Variants in CABLES1 observed in about 807,000 individuals in gnomAD.
CABLES1 encodes CDK5 and ABL1 enzyme substrate 1.
Under a neutral mutation model 57.8 loss-of-function variants are expected in CABLES1, and 36 were observed. The observed-to-expected ratio is 0.62, with a 90% CI of 0.48 to 0.82. CABLES1 has a LOEUF of 0.82. Ranked by LOEUF, CABLES1 falls within the 40% of genes least tolerant of loss-of-function variation. The pLI is 0.00. For missense variants in CABLES1, 767 were observed against 836.6 expected (o/e 0.92, Z 1.03); for synonymous variants, 374 against 363.0 (o/e 1.03, Z -0.35).
At chr18:23,164,754 A>G (rs1224685923) in intron 1 of CABLES1, among the ~76,000 whole-genome samples, 1 of 151,978 alleles carries the variant, frequency 6.6e-6, no homozygotes, top group African/African-American at 2.4e-5. Context: ...AAACATATAA[A>G]AATTTATCTC....
intron 7 of CABLES1, among the ~76,000 whole-genome samples, chr18:23,239,518 G>C (rs575232493): frequency 5.3e-5 from 8 of 152,348 alleles, no homozygotes; most frequent in African/African-American, 1.9e-4. Context: ...CCTAGAAGCC[G>C]ACATGGGTTA....
At chr18:23,213,693 C>A (rs986287378) in intron 3 of CABLES1, among the ~76,000 whole-genome samples, 27 of 152,334 alleles carry the variant, frequency 1.8e-4, no homozygotes, top group Middle Eastern at 3.4e-3. Flanking sequence ...CATGTGCAGC[C>A]CACAGCAAGC....
chr18:23,175,058 C>T (rs2047113637), intron 1 of CABLES1, among the ~76,000 whole-genome samples: 1 of 151,876 alleles, frequency 6.6e-6, no homozygotes, highest in Non-Finnish European at 1.5e-5. Context: ...ATGGTTACCA[C>T]AGGCACCCAC....
intron 5 of CABLES1, among the ~76,000 whole-genome samples, chr18:23,235,079 G>A (rs2047593620): frequency 6.6e-6 from 1 of 152,172 alleles, no homozygotes; most frequent in Non-Finnish European, 1.5e-5. Context: ...ATGGTCCTGG[G>A]AAGCTAAGAG....
At chr18:23,172,915 C>G (rs1946120586) in intron 1 of CABLES1, among the ~76,000 whole-genome samples, 1 of 152,186 alleles carries the variant, frequency 6.6e-6, no homozygotes, top group African/African-American at 2.4e-5. Flanking sequence ...TATTGTCTTC[C>G]CGTTTGGATA....
At chr18:23,255,331 CT>C (rs33940938) in intron 9 of CABLES1, among the ~76,000 whole-genome samples, 100,196 of 151,982 alleles carry the variant, frequency 0.66, 33,636 homozygotes, top group African/African-American at 0.77. Flanking sequence ...ATATGTCTCA[CT>C]TGTCTAGCTG....
At chr18:23,206,366 A>G (rs1029220486) in intron 3 of CABLES1, among the ~76,000 whole-genome samples, 4 of 152,248 alleles carry the variant, frequency 2.6e-5, no homozygotes, top group Non-Finnish European at 5.9e-5. Context: ...ACGCTGAATT[A>G]TTCACAGTAA....
rs547991604 is a variant in CABLES1 at position 23,259,332 on chromosome 18, G to C, written c.*1965G>C. 2.0e-5 allele frequency: 3 copies of C among 152,334 alleles called. No homozygotes were observed. Among genetic ancestry groups the C allele is most frequent in the Admixed American group, 6.5e-5 (1 of 15,282 alleles). 9.4% of individuals were successfully genotyped at this position (152,334 alleles called of 1,614,324 possible). On this transcript the variant is annotated 3_prime_UTR_variant, in exon 10 of 10. Coordinates refer to ENST00000256925, the MANE Select transcript of CABLES1 (RefSeq NM_001100619.3). ...CCTGCCAAGCTCTGGGGAGTGGGGT[G>C]GGGGGAGGGACGTCCGATGGATGAC...
intron 1 of CABLES1, among the ~76,000 whole-genome samples, chr18:23,137,057 G>T (rs1027396389): frequency 6.6e-6 from 1 of 152,242 alleles, no homozygotes; most frequent in African/African-American, 2.4e-5. Flanking sequence ...GCAGACACGC[G>T]TGACCCTCCG....
At chr18:23,137,375 GTAT>G in intron 1 of CABLES1, among the ~76,000 whole-genome samples, 1 of 152,334 alleles carries the variant, frequency 6.6e-6, no homozygotes, top group Middle Eastern at 3.4e-3. Context: ...TTGTCACCAT[GTAT>G]TATTCTAAGG....
intron 1 of CABLES1, among the ~76,000 whole-genome samples, chr18:23,159,796 A>C (rs969208040): frequency 6.6e-6 from 1 of 152,212 alleles, no homozygotes; most frequent in African/African-American, 2.4e-5. Context: ...TATCTTCCTC[A>C]AAAGAATTTT....
intron 9 of CABLES1, among the ~76,000 whole-genome samples, chr18:23,257,005 G>A (rs2048184003): frequency 6.6e-6 from 1 of 152,202 alleles, no homozygotes; most frequent in African/African-American, 2.4e-5. Flanking sequence ...TAAGATGTAT[G>A]TGTGGTTCCG....
At chr18:23,229,649 G>A (rs1016393189) in intron 4 of CABLES1, among the ~76,000 whole-genome samples, 6 of 152,168 alleles carry the variant, frequency 3.9e-5, no homozygotes, top group African/African-American at 1.4e-4. Flanking sequence ...AATGATCTTA[G>A]AAAATACCAA....
intron 1 of CABLES1, among the ~76,000 whole-genome samples, chr18:23,168,066 G>A (rs1220780708): frequency 2.6e-5 from 4 of 152,184 alleles, no homozygotes; most frequent in Non-Finnish European, 4.4e-5. Flanking sequence ...CCCTCAGGGC[G>A]ATCTGAGGGC....
intron 4 of CABLES1, among the ~76,000 whole-genome samples, chr18:23,232,393 T>C (rs2145078902): frequency 6.6e-6 from 1 of 152,280 alleles, no homozygotes; most frequent in East Asian, 1.9e-4. Context: ...GACACTGCTG[T>C]TTTTGTCCTG....
chr18:23,194,889 C>A (rs530891422), intron 3 of CABLES1, among the ~76,000 whole-genome samples: 5 of 152,218 alleles, frequency 3.3e-5, no homozygotes, highest in African/African-American at 9.6e-5. Flanking sequence ...GTTTTGTTTT[C>A]GTTTTTCACT....
chr18:23,218,593 C>T (rs563691179), intron 4 of CABLES1, among the ~76,000 whole-genome samples: 3 of 89,802 alleles, frequency 3.3e-5, no homozygotes, highest in African/African-American at 1.0e-4. Flanking sequence ...CCCTGCCTCC[C>T]GCATCCTCAC....
chr18:23,223,272 G>A (rs1232251195), intron 4 of CABLES1, among the ~76,000 whole-genome samples: 1 of 152,082 alleles, frequency 6.6e-6, no homozygotes, highest in East Asian at 1.9e-4. Flanking sequence ...ATTGCATCTA[G>A]CCTAGAGTAA....
rs1480052459 is a variant in CABLES1, at chr18:23,255,476, A to G, written c.1761+1540A>G. 1.3e-5 allele frequency among the ~76,000 whole-genome samples: 2 copies of G among 152,152 alleles called. 1 individual carries two copies. The highest frequency in any genetic ancestry group is 4.8e-5 in the African/African-American group (2 of 41,430). The stretch of plus-strand genomic sequence containing the variant: ...AAATCATCTAGCTTATACAGTAAAT[A>G]CATGAACCCAGAAGTGACCATTGGA... On this transcript the variant is annotated intron_variant, in intron 9 of 9. Transcript: ENST00000256925.
Sources: allele counts gnomAD v4.1 joint callset (sites outside exome capture counted in the v4.1 genomes callset), GRCh38; gene constraint gnomAD v4.1.1; transcripts MANE v1.5; gene names NCBI Gene and HGNC (gene_info 2026-07-23, HGNC 2026-07-21).